SLC9C1: variants seen among roughly 807,000 people sequenced by gnomAD.
The protein encoded by SLC9C1 is sodium/hydrogen exchanger 10.
In SLC9C1, 97 loss-of-function variants were observed where a neutral mutation model predicts 140.9. The observed-to-expected ratio is 0.69, with a 90% CI of 0.58 to 0.82. The LOEUF is 0.82. Ranked by LOEUF, SLC9C1 falls within the 40% of genes least tolerant of loss-of-function variation. SLC9C1 has a pLI of 0.00. For synonymous variants in SLC9C1, 440 were observed against 442.6 expected (o/e 0.99, Z 0.07); for missense variants, 1,340 against 1,389.3 (o/e 0.96, Z 0.56).
chr3:112,190,161 C>G lies in SLC9C1; in HGVS notation c.2524-7903G>C, dbSNP rs1482766409. ...GAGACGATGGGGTTTTCTAGATATA[C>G]AATCATGTCATCTGCAAACAGGGAA... is the stretch of plus-strand genomic sequence containing the variant. On this transcript the variant is annotated intron_variant, in intron 20 of 28. Coordinates refer to ENST00000305815, the MANE Select transcript of SLC9C1 (RefSeq NM_183061.3). Among the ~76,000 whole-genome samples the G allele has an allele frequency of 3.3e-5, 5 of 152,290 alleles. No individual in the cohort carries two copies. In the East Asian group the frequency reaches 9.6e-4, roughly 29 times the overall value.
chr3:112,151,913 C>T lies in SLC9C1; in HGVS notation c.3468G>A (p.Leu1156=). The T allele has an allele frequency of 6.2e-7, 1 of 1,609,074 alleles. No individual in the cohort carries two copies. Among genetic ancestry groups the T allele is most frequent in the Non-Finnish European group, 8.5e-7 (1 of 1,178,646 alleles). Residue 1156 remains leucine, a synonymous_variant, in exon 28 of 29, where the codon CTG becomes CTA. Transcript: ENST00000305815. ...CCTTACAGTTGAACTTTGTCCCCAGCAGGGAGCAAGGCTGGGGACTCCTGG... is the reference window on the plus strand; with the variant it reads ...CCTTACAGTTGAACTTTGTCCCCAGTAGGGAGCAAGGCTGGGGACTCCTGG... ...ATARSPQPCS[L]LGTKFNCKES...
chr3:112,149,790 G>T (rs924575367), intron 28 of SLC9C1, among the ~76,000 whole-genome samples: 3 of 151,880 alleles, frequency 2.0e-5, no homozygotes, highest in Non-Finnish European at 4.4e-5. Context: ...TGCCTGGGTG[G>T]GGAGCAGAGG....
chr3:112,249,959 A>T (rs918101048), intron 10 of SLC9C1, among the ~76,000 whole-genome samples: 4 of 152,122 alleles, frequency 2.6e-5, no homozygotes, highest in Non-Finnish European at 4.4e-5. Flanking sequence ...CATGTGCACA[A>T]CGTGCAGGTT....
chr3:112,172,984 G>A (rs1358326937), intron 23 of SLC9C1, among the ~76,000 whole-genome samples: 3 of 151,970 alleles, frequency 2.0e-5, no homozygotes, highest in African/African-American at 4.8e-5. Context: ...CCACATTAAT[G>A]TGGGATTATT....
intron 15 of SLC9C1, among the ~76,000 whole-genome samples, chr3:112,213,505 G>C (rs1337990353): frequency 6.6e-6 from 1 of 152,136 alleles, no homozygotes; most frequent in African/African-American, 2.4e-5. Context: ...TAAAGGGATG[G>C]AGGAAGATCT....
At chr3:112,175,657 C>G (rs2077322781) in intron 23 of SLC9C1, among the ~76,000 whole-genome samples, 1 of 152,130 alleles carries the variant, frequency 6.6e-6, no homozygotes, top group Non-Finnish European at 1.5e-5. Context: ...TTGGAGGACC[C>G]CAGTTGGGAG....
intron 20 of SLC9C1, among the ~76,000 whole-genome samples, chr3:112,183,519 G>T (rs1163027556): frequency 6.6e-6 from 1 of 150,814 alleles, no homozygotes; most frequent in Non-Finnish European, 1.5e-5. Flanking sequence ...CTTAGGTGTG[G>T]AGGGCCAGTG....
rs771029953 is a variant in SLC9C1, at chr3:112,165,170, C to T, written c.3364+2051G>A. 1.4e-4 allele frequency among the ~76,000 whole-genome samples: 22 copies of T among 152,190 alleles called. No individual in the cohort carries two copies. The South Asian group carries it at 1.5e-3, about 10-fold the overall frequency. On this transcript the variant is annotated intron_variant, in intron 26 of 28. Transcript: ENST00000305815. ...GCATTGGTTATTCTAGTTAGCCATTCGTCTAAGTTTTTTTCAAGGTTTTTA... is the reference window on the plus strand; with the variant it reads ...GCATTGGTTATTCTAGTTAGCCATTTGTCTAAGTTTTTTTCAAGGTTTTTA...
intron 13 of SLC9C1, among the ~76,000 whole-genome samples, chr3:112,226,766 T>C (rs933142227): frequency 4.6e-5 from 7 of 151,738 alleles, no homozygotes; most frequent in African/African-American, 1.7e-4. Flanking sequence ...AACTTAATTA[T>C]GCACCTTAAG....
At chr3:112,208,771 C>T (rs1234451911) in intron 15 of SLC9C1, among the ~76,000 whole-genome samples, 1 of 152,070 alleles carries the variant, frequency 6.6e-6, no homozygotes, top group Non-Finnish European at 1.5e-5. Flanking sequence ...ATTGTTCCAA[C>T]TTTTTATGTT....
Position 112,169,062 on chromosome 3 carries a change from C to A in SLC9C1, c.3052G>T (p.Asp1018Tyr), listed in dbSNP as rs780026426. Residue 1018 changes from aspartate to tyrosine, a missense_variant and splice_region_variant, in exon 25 of 29, where the codon GAT becomes TAT. Transcript: ENST00000305815. ...TTTAGTTGCATATTGTAGTTCCAAT[C>A]CTGTTTTAGAAAACACAATTTCAGT... ...RKIREHLSYE[D>Y]WNYNMQLKLS... The A allele has an allele frequency of 1.6e-5, 26 of 1,582,378 alleles. No homozygotes were observed. The highest frequency in any genetic ancestry group is 2.0e-5 in the Non-Finnish European group (23 of 1,168,142).
At chr3:112,154,965 T>C (rs368331012) in intron 27 of SLC9C1, 32 bp downstream of exon 27, 24 of 1,593,910 alleles carry the variant, frequency 1.5e-5, no homozygotes, top group Non-Finnish European at 2.1e-5. Flanking sequence ...TTACCCAAAA[T>C]ACAACTTTTA....
chr3:112,244,656 G>A (rs999069328), intron 10 of SLC9C1, among the ~76,000 whole-genome samples: 1 of 152,172 alleles, frequency 6.6e-6, no homozygotes, highest in African/African-American at 2.4e-5. Context: ...TCTCAAGTCA[G>A]TCTTGATAGA....
chr3:112,157,817 G>A (rs1200824439), intron 26 of SLC9C1, among the ~76,000 whole-genome samples: 1 of 150,584 alleles, frequency 6.6e-6, no homozygotes, highest in African/African-American at 2.4e-5. Flanking sequence ...TTCTTTTTCA[G>A]ACTGATCACT....
chr3:112,214,772 C>A (rs9821068), intron 15 of SLC9C1, among the ~76,000 whole-genome samples: 2 of 151,980 alleles, frequency 1.3e-5, no homozygotes, highest in African/African-American at 2.4e-5. Flanking sequence ...CCGAATTCTA[C>A]CAGAGGTACA....
chr3:112,237,352 G>A (rs911076925), intron 12 of SLC9C1, among the ~76,000 whole-genome samples: 19 of 150,704 alleles, frequency 1.3e-4, no homozygotes, highest in Middle Eastern at 3.4e-3. Context: ...TTGAGCCTAT[G>A]TGCACGTGAG....
chr3:112,240,580 T>C (rs2079113953), intron 11 of SLC9C1, among the ~76,000 whole-genome samples: 1 of 152,218 alleles, frequency 6.6e-6, no homozygotes, highest in Admixed American at 6.5e-5. Context: ...TGTCTCTGCC[T>C]TATGGTCTTT....
At position 112,282,486 on chromosome 3, in the gene SLC9C1, A is replaced by G. The variant is rs113965600; in HGVS notation, c.89-1703T>C. ...AATGCCGGAGAAAGCTTCACCAGAG[A>G]GTTCTTCACCACAGCAATGCTCCTG... On this transcript the variant is annotated intron_variant, in intron 2 of 28. Transcript: ENST00000305815. Among the ~76,000 whole-genome samples the G allele has an allele frequency of 4.5e-3, 679 of 152,300 alleles. 5 individuals carry two copies. Among genetic ancestry groups the G allele is most frequent in the African/African-American group, 0.015 (642 of 41,566 alleles).
chr3:112,231,174 TTTTC>T (rs71134811), intron 13 of SLC9C1, among the ~76,000 whole-genome samples, 183 bp downstream of exon 13: 1 of 150,254 alleles, frequency 6.7e-6, no homozygotes, highest in African/African-American at 2.5e-5. Context: ...CTTTCTTTCT[TTTTC>T]TTTCTTTCCT....
Sources: allele counts gnomAD v4.1 joint callset (sites outside exome capture counted in the v4.1 genomes callset), GRCh38; gene constraint gnomAD v4.1.1; transcripts MANE v1.5; gene names NCBI Gene and HGNC (gene_info 2026-07-23, HGNC 2026-07-21).